The following SETBP1 variants were observed in gnomAD, a reference collection of about 807,000 sequenced individuals.
SETBP1 encodes the protein SET-binding protein.
SETBP1 carries 9 observed loss-of-function variants against 101.0 expected under a neutral mutation model. The ratio of observed to expected loss-of-function variants is 0.09; its 90% CI spans 0.05 to 0.16. SETBP1 has a LOEUF of 0.16. Ranked by LOEUF, SETBP1 falls within the 10% of genes least tolerant of loss-of-function variation. The pLI, the probability that SETBP1 is intolerant of heterozygous loss-of-function variation, is 1.00. For synonymous variants in SETBP1, 818 were observed against 788.5 expected (o/e 1.04, Z -0.63); for missense variants, 1,858 against 2,033.8 (o/e 0.91, Z 1.66).
At chr18:44,780,496 C>T (rs933774460) in intron 2 of SETBP1, among the ~76,000 whole-genome samples, 1 of 152,150 alleles carries the variant, frequency 6.6e-6, no homozygotes, top group Non-Finnish European at 1.5e-5. Context: ...CTCATTTGTT[C>T]TTGAGTTCCA....
Position 45,029,330 on chromosome 18 carries a change from G to A in SETBP1, c.4001-9155G>A, listed in dbSNP as rs558688967. Among the ~76,000 whole-genome samples, 77 of 151,732 alleles carry A rather than the reference G, an allele frequency of 5.1e-4. 1 individual carries two copies. The highest frequency in any genetic ancestry group is 3.4e-3 in the Middle Eastern group (1 of 294). ...AAAGATCAGATAGTTGTAGATATGC[G>A]GCATTATTTCTGAGGGCTCTGTTCT... On this transcript the variant is annotated intron_variant, in intron 4 of 5. Transcript: ENST00000649279.
chr18:44,721,656 C>T (rs1052024758), intron 2 of SETBP1, among the ~76,000 whole-genome samples: 7 of 152,058 alleles, frequency 4.6e-5, no homozygotes, highest in South Asian at 2.1e-4. Context: ...ATGTTTGCTT[C>T]CACAGTATCT....
chr18:45,015,483 C>A (rs1445895680), intron 4 of SETBP1, among the ~76,000 whole-genome samples: 1 of 152,136 alleles, frequency 6.6e-6, no homozygotes, highest in Non-Finnish European at 1.5e-5. Flanking sequence ...TTTCGCAGGG[C>A]CTTAAAATAC....
chr18:44,958,049 C>A (rs571725521), intron 4 of SETBP1, among the ~76,000 whole-genome samples: 8 of 152,268 alleles, frequency 5.3e-5, no homozygotes, highest in Non-Finnish European at 1.2e-4. Context: ...GCTGAAAGAC[C>A]TCTTCTGTTT....
At chr18:45,008,974 C>T (rs570502287) in intron 4 of SETBP1, among the ~76,000 whole-genome samples, 28 of 152,270 alleles carry the variant, frequency 1.8e-4, no homozygotes, top group African/African-American at 5.3e-4. Flanking sequence ...TGGTGCCTCA[C>T]GTGGAGCTGG....
At chr18:44,892,760 T>C in intron 3 of SETBP1, among the ~76,000 whole-genome samples, 1 of 152,152 alleles carries the variant, frequency 6.6e-6, no homozygotes, top group East Asian at 1.9e-4. Flanking sequence ...ACACAATAAC[T>C]TCAACCATTT....
In SETBP1 at chr18:44,953,066, G is replaced by C. The variant is rs1264840670; in HGVS notation, c.3726G>C (p.Trp1242Cys). The change falls in exon 4 of 6, where the codon TGG (tryptophan) becomes TGC (cysteine). Residue 1242 changes from tryptophan to cysteine, a missense_variant. Physicochemically the swap from Trp to Cys is radical, Grantham distance 215. Transcript: ENST00000649279. ...STLSLSDAQH[W>C]TQAKEKGDLS... ...TGTCACTTTCCGACGCCCAGCATTGGACACAGGCCAAGGAAAAAGGAGACT... is the reference window on the plus strand; with the variant it reads ...TGTCACTTTCCGACGCCCAGCATTGCACACAGGCCAAGGAAAAAGGAGACT... The C allele has an allele frequency of 1.2e-6, 2 of 1,614,204 alleles. No individual in the cohort carries two copies. The highest frequency in any genetic ancestry group is 4.5e-5 in the East Asian group (2 of 44,882).
intron 3 of SETBP1, among the ~76,000 whole-genome samples, chr18:44,876,301 G>A (rs973879063): frequency 6.6e-6 from 1 of 152,162 alleles, no homozygotes; most frequent in Admixed American, 6.5e-5. Context: ...AAGCAAAGCA[G>A]TGTATAAGGA....
intron 2 of SETBP1, among the ~76,000 whole-genome samples, chr18:44,751,245 C>T (rs2070374765): frequency 6.6e-6 from 1 of 152,172 alleles, no homozygotes. Flanking sequence ...CCCTTCTGTT[C>T]CCCACAGCTA....
intron 2 of SETBP1, among the ~76,000 whole-genome samples, chr18:44,794,953 G>A (rs962558353): frequency 7.9e-5 from 12 of 152,282 alleles, no homozygotes; most frequent in Admixed American, 5.9e-4. Flanking sequence ...GCTCAGATGC[G>A]GTGGAGGATC....
intron 3 of SETBP1, among the ~76,000 whole-genome samples, chr18:44,886,758 TTA>T: frequency 1.5e-5 from 1 of 68,394 alleles, no homozygotes; most frequent in Non-Finnish European, 2.9e-5. Context: ...GTACATTTTA[TTA>T]TTATTATTAT....
At chr18:44,885,796 C>T (rs1474826115) in intron 3 of SETBP1, among the ~76,000 whole-genome samples, 1 of 139,666 alleles carries the variant, frequency 7.2e-6, no homozygotes, top group African/African-American at 2.7e-5. Context: ...ACAGGGAAAA[C>T]ATGCTCCCAG....
At chr18:45,041,046 GT>G (rs2073498561) in intron 5 of SETBP1, among the ~76,000 whole-genome samples, 1 of 152,224 alleles carries the variant, frequency 6.6e-6, no homozygotes, top group African/African-American at 2.4e-5. Context: ...CCAATGCTCT[GT>G]TTTACATGTG....
chr18:45,009,414 T>G (rs2072792786), intron 4 of SETBP1, among the ~76,000 whole-genome samples: 1 of 151,430 alleles, frequency 6.6e-6, no homozygotes, highest in Non-Finnish European at 1.5e-5. Flanking sequence ...TATGGGGCAT[T>G]ATATAACCTC....
intron 2 of SETBP1, among the ~76,000 whole-genome samples, chr18:44,721,965 T>G (rs1254773292): frequency 6.6e-6 from 1 of 152,236 alleles, no homozygotes; most frequent in Non-Finnish European, 1.5e-5. Flanking sequence ...CTTCTGATAA[T>G]TTGCATATTG....
At chr18:44,921,934 CT>C (rs953264536) in intron 3 of SETBP1, among the ~76,000 whole-genome samples, 6 of 152,126 alleles carry the variant, frequency 3.9e-5, no homozygotes, top group African/African-American at 1.4e-4. Flanking sequence ...CATGTAGGAT[CT>C]TTTGTGATGA....
At chr18:44,682,339 C>A (rs1384810589) in intron 1 of SETBP1, among the ~76,000 whole-genome samples, 1 of 152,154 alleles carries the variant, frequency 6.6e-6, no homozygotes, top group East Asian at 1.9e-4. Context: ...CTGGACCAGA[C>A]CTGGGCATTC....
At chr18:44,964,461 C>A (rs1255455900) in intron 4 of SETBP1, among the ~76,000 whole-genome samples, 1 of 152,128 alleles carries the variant, frequency 6.6e-6, no homozygotes, top group Non-Finnish European at 1.5e-5. Flanking sequence ...ATATCCACCA[C>A]TAAATAATTC....
chr18:45,048,691 G>A (rs535385930), intron 5 of SETBP1, among the ~76,000 whole-genome samples: 1 of 152,012 alleles, frequency 6.6e-6, no homozygotes, highest in Non-Finnish European at 1.5e-5. Context: ...AGAAGATTAG[G>A]GCCGGGCGCG....
Sources: allele counts gnomAD v4.1 joint callset (sites outside exome capture counted in the v4.1 genomes callset), GRCh38; gene constraint gnomAD v4.1.1; transcripts MANE v1.5; gene names NCBI Gene and HGNC (gene_info 2026-07-23, HGNC 2026-07-21).